The following CHLSN variants were observed in gnomAD, a reference collection of about 807,000 sequenced individuals.
CHLSN encodes the protein protein cholesin.
the CHLSN span, among the ~76,000 whole-genome samples, chr7:991,026 C>A: frequency 2.9e-4 from 44 of 152,158 alleles, no homozygotes; most frequent in East Asian, 3.7e-3. Context: ...AGGACTCAGG[C>A]CCCGCCCTCC....
At chr7:1,032,996 G>A in the CHLSN span, among the ~76,000 whole-genome samples, 2 of 152,188 alleles carry the variant, frequency 1.3e-5, no homozygotes, top group South Asian at 2.1e-4. Context: ...TGCACTCGCG[G>A]TGCGGACCCA....
the CHLSN span, among the ~76,000 whole-genome samples, chr7:1,059,882 C>A: frequency 1.1e-4 from 3 of 26,854 alleles, no homozygotes; most frequent in African/African-American, 1.8e-4. Flanking sequence ...GGGGCGGGTC[C>A]GTAGTGAGGC....
chr7:1,090,677 A>G, the CHLSN span, among the ~76,000 whole-genome samples: 3 of 152,230 alleles, frequency 2.0e-5, no homozygotes, highest in Non-Finnish European at 4.4e-5. Context: ...CCGTGGGCGG[A>G]CAGCCCACTT....
the CHLSN span, among the ~76,000 whole-genome samples, chr7:1,027,192 G>A: frequency 1.3e-5 from 2 of 152,242 alleles, no homozygotes; most frequent in Admixed American, 1.3e-4. Flanking sequence ...CTAAGTACGG[G>A]TTAGGTTTTC....
At chr7:1,110,385 A>G in the CHLSN span, among the ~76,000 whole-genome samples, 1 of 151,758 alleles carries the variant, frequency 6.6e-6, no homozygotes, top group African/African-American at 2.4e-5. Flanking sequence ...CCAGCCACCA[A>G]AGACCCCTCA....
the CHLSN span, among the ~76,000 whole-genome samples, chr7:1,131,058 G>A: frequency 1.3e-5 from 2 of 152,012 alleles, no homozygotes; most frequent in African/African-American, 4.8e-5. Flanking sequence ...ACGCTTGGTG[G>A]TGCACACCTG....
chr7:1,028,886 C>A, the CHLSN span: 11 of 827,886 alleles, frequency 1.3e-5, no homozygotes, highest in Non-Finnish European at 1.5e-5. Context: ...CATCTCTCCC[C>A]AGTCTGACTC....
the CHLSN span, among the ~76,000 whole-genome samples, chr7:1,124,893 G>T: frequency 1.3e-5 from 2 of 152,214 alleles, no homozygotes; most frequent in African/African-American, 4.8e-5. Flanking sequence ...CTCTGCACCT[G>T]CCAGGCCTCA....
the CHLSN span, among the ~76,000 whole-genome samples, chr7:1,077,217 GC>G: frequency 6.6e-6 from 1 of 152,178 alleles, no homozygotes; most frequent in Non-Finnish European, 1.5e-5. Context: ...GTGCAGTGGT[GC>G]CATCTAGGCT....
the CHLSN span, chr7:1,057,636 G>A: frequency 3.9e-6 from 3 of 770,512 alleles, no homozygotes; most frequent in Non-Finnish European, 7.2e-6. Context: ...CGTGCCAGTG[G>A]GCCTGTGCTA....
chr7:1,093,295 C>A, the CHLSN span: 1 of 429,516 alleles, frequency 2.3e-6, no homozygotes, highest in South Asian at 1.8e-5. Flanking sequence ...GGAACTGACG[C>A]TGGAGATGCA....
the CHLSN span, among the ~76,000 whole-genome samples, chr7:1,054,694 G>A: frequency 6.6e-6 from 1 of 152,230 alleles, no homozygotes; most frequent in Non-Finnish European, 1.5e-5. Context: ...CGGCGGGCAA[G>A]AGGCTGGCCC....
the CHLSN span, among the ~76,000 whole-genome samples, chr7:1,008,895 C>CACACACAT: frequency 2.0e-3 from 139 of 70,338 alleles, no homozygotes; most frequent in Admixed American, 5.2e-3. Flanking sequence ...TATACACATG[C>CACACACAT]ACACACGTAC....
At chr7:1,021,704 T>TA in the CHLSN span, 3 of 236,666 alleles carry the variant, frequency 1.3e-5, no homozygotes, top group African/African-American at 4.7e-5. Context: ...ACCACCCCCC[T>TA]AACCCCTCCC....
chr7:1,005,707 G>C, the CHLSN span, among the ~76,000 whole-genome samples: 2 of 152,256 alleles, frequency 1.3e-5, no homozygotes, highest in African/African-American at 4.8e-5. Context: ...ACACCATGCT[G>C]TGCTGGGCAA....
the CHLSN span, chr7:986,759 G>C: frequency 2.5e-6 from 4 of 1,602,498 alleles, no homozygotes; most frequent in Non-Finnish European, 3.4e-6. Context: ...GGGGGACCCC[G>C]TGTGCAGCTA....
At chr7:1,030,233 C>T in the CHLSN span, among the ~76,000 whole-genome samples, 4 of 152,170 alleles carry the variant, frequency 2.6e-5, no homozygotes, top group Non-Finnish European at 4.4e-5. Flanking sequence ...CGCATCCACC[C>T]ACCTCCATAA....
chr7:984,544 G>A, the CHLSN span: 360 of 1,558,692 alleles, frequency 2.3e-4, no homozygotes, highest in African/African-American at 3.3e-3. Flanking sequence ...GCCTCCCATC[G>A]CCATCTTCCA....
At chr7:1,002,582 C>A in the CHLSN span, among the ~76,000 whole-genome samples, 1 of 16,494 alleles carries the variant, frequency 6.1e-5, no homozygotes, top group Non-Finnish European at 1.0e-4. Flanking sequence ...TGGAGCCCTG[C>A]GGGTGAGTGG....
Sources: allele counts gnomAD v4.1 joint callset (sites outside exome capture counted in the v4.1 genomes callset), GRCh38; gene constraint gnomAD v4.1.1; transcripts MANE v1.5; gene names NCBI Gene and HGNC (gene_info 2026-07-23, HGNC 2026-07-21).